IQSEC1: variants seen among roughly 807,000 people sequenced by gnomAD.
IQSEC1 encodes IQ motif and Sec7 domain ArfGEF 1.
In IQSEC1, 31 loss-of-function variants were observed where a neutral mutation model predicts 91.0. The observed-to-expected ratio is 0.34, with a 90% CI of 0.26 to 0.46. IQSEC1 has a LOEUF of 0.46. IQSEC1 is among the 20% of genes least tolerant of loss of function. The pLI, the probability that IQSEC1 is intolerant of heterozygous loss-of-function variation, is 1.00. For missense variants in IQSEC1, 1,388 were observed against 1,575.6 expected, an observed-to-expected ratio of 0.88 and a Z score of 2.02; for synonymous variants, 699 against 662.6, an observed-to-expected ratio of 1.05 and a Z score of -0.84.
intron 1 of IQSEC1, among the ~76,000 whole-genome samples, chr3:13,200,274 C>T (rs945434067): frequency 2.0e-5 from 3 of 151,894 alleles, no homozygotes; most frequent in African/African-American, 7.3e-5. Context: ...ACACACACCA[C>T]ACACACATAC....
intron 1 of IQSEC1, among the ~76,000 whole-genome samples, chr3:12,963,774 C>G (rs1700385533): frequency 1.3e-5 from 2 of 152,240 alleles, no homozygotes; most frequent in South Asian, 2.1e-4. Flanking sequence ...GCTTCTACAT[C>G]TAGCCCAGGG....
Position 13,270,965 on chromosome 3 carries a change from C to T in IQSEC1, c.272+11746G>A, listed in dbSNP as rs988463825. ...ATGGAAAAAGATATACAAATGGTAACCAAAATGAGTTAAAGTAGCTATAAC... is the reference window on the plus strand; with the variant it reads ...ATGGAAAAAGATATACAAATGGTAATCAAAATGAGTTAAAGTAGCTATAAC... On this transcript the variant is annotated intron_variant, in intron 1 of 15. Coordinates refer to the IQSEC1 transcript ENST00000648114. Among the ~76,000 whole-genome samples the T allele has an allele frequency of 4.6e-5, 7 of 152,150 alleles. No homozygotes were observed. The South Asian group carries it at 6.2e-4, about 14-fold the overall frequency.
At chr3:13,166,073 C>T (rs1433869490) in intron 1 of IQSEC1, among the ~76,000 whole-genome samples, 2 of 152,192 alleles carry the variant, frequency 1.3e-5, no homozygotes, top group Non-Finnish European at 2.9e-5. Context: ...AGGTTTGGGG[C>T]ACTCCTACAG....
chr3:13,236,415 T>C (rs1329633048), intron 1 of IQSEC1, among the ~76,000 whole-genome samples: 1 of 152,212 alleles, frequency 6.6e-6, no homozygotes, highest in Non-Finnish European at 1.5e-5. Context: ...TTTCTGCGCA[T>C]GTGATGTTTC....
intron 1 of IQSEC1, among the ~76,000 whole-genome samples, chr3:13,258,604 T>C (rs1448491935): frequency 1.3e-5 from 2 of 152,070 alleles, no homozygotes; most frequent in Admixed American, 6.6e-5. Context: ...GAGGATCACT[T>C]GAGCGCAGGA....
chr3:13,183,570 A>C (rs74382778), intron 1 of IQSEC1, among the ~76,000 whole-genome samples: 1 of 151,608 alleles, frequency 6.6e-6, no homozygotes, highest in Non-Finnish European at 1.5e-5. Flanking sequence ...CATCTCAAAC[A>C]AAAAAAAAGA....
chr3:13,238,469 A>G (rs923611019), intron 1 of IQSEC1, among the ~76,000 whole-genome samples: 1 of 152,170 alleles, frequency 6.6e-6, no homozygotes, highest in Non-Finnish European at 1.5e-5. Context: ...GCCTCCTCAG[A>G]GATGGCACCA....
In IQSEC1 at chr3:12,898,545, TC is replaced by T. The variant is rs1490699431; in HGVS notation, c.*2437del. 6.6e-6 allele frequency: 1 copy of T among 152,154 alleles called. No individual in the cohort carries two copies. The highest frequency in any genetic ancestry group is 1.5e-5 in the Non-Finnish European group (1 of 68,040). The allele number at this position is 152,154 out of a possible 1,614,324, so 9.4% of individuals were successfully genotyped here. A position where few individuals can be genotyped will look rare whatever the true frequency, so the allele number is the denominator to read the frequency against. Reference sequence around the variant, plus strand: ...AGGATGGCGATGGAGAGGGAGAGTTTCCTGAAAGCCCCTCCTGGGGTTTTCT... The same window carrying T: ...AGGATGGCGATGGAGAGGGAGAGTTTCTGAAAGCCCCTCCTGGGGTTTTCT... On this transcript the variant is annotated 3_prime_UTR_variant, in exon 14 of 14. Coordinates refer to ENST00000613206, the MANE Select transcript of IQSEC1 (RefSeq NM_001134382.3).
intron 2 of IQSEC1, among the ~76,000 whole-genome samples, chr3:13,151,547 C>T (rs1190307763): frequency 1.3e-5 from 2 of 152,094 alleles, no homozygotes; most frequent in Non-Finnish European, 2.9e-5. Context: ...ACGATGGGGT[C>T]GGGGAGGCCC....
At chr3:12,911,576 G>T in intron 10 of IQSEC1, 53 bp downstream of exon 10, 1 of 1,347,120 alleles carries the variant, frequency 7.4e-7, no homozygotes, top group Non-Finnish European at 1.1e-6. Flanking sequence ...CCAGGAGAAA[G>T]AGCGTAAGCT....
chr3:12,930,312 C>T (rs964513662), intron 3 of IQSEC1, among the ~76,000 whole-genome samples: 3 of 152,346 alleles, frequency 2.0e-5, no homozygotes, highest in African/African-American at 4.8e-5. Context: ...TTGTGCTTGG[C>T]TCCAGTCCTT....
intron 1 of IQSEC1, among the ~76,000 whole-genome samples, chr3:13,262,895 G>T (rs1287194839): frequency 6.6e-6 from 1 of 152,170 alleles, no homozygotes; most frequent in East Asian, 1.9e-4. Context: ...TGGGGGAGGG[G>T]AGGGGGAGTG....
At chr3:13,276,182 A>G (rs1015374253) in intron 1 of IQSEC1, among the ~76,000 whole-genome samples, 1 of 131,920 alleles carries the variant, frequency 7.6e-6, no homozygotes, top group Admixed American at 9.3e-5. Flanking sequence ...TCTGCCTCCC[A>G]GGTTCACACC....
chr3:13,099,650 T>C (rs930453150), intron 2 of IQSEC1, among the ~76,000 whole-genome samples: 2 of 152,210 alleles, frequency 1.3e-5, no homozygotes, highest in African/African-American at 4.8e-5. Context: ...GGCTCCCTCC[T>C]TCATTCTGGG....
intron 1 of IQSEC1, among the ~76,000 whole-genome samples, chr3:13,010,734 C>T (rs1484903058): frequency 1.3e-5 from 2 of 152,124 alleles, no homozygotes; most frequent in Non-Finnish European, 2.9e-5. Flanking sequence ...AATAAAACTC[C>T]CTGCTCAAAA....
chr3:13,097,596 C>T (rs896855449), intron 2 of IQSEC1, among the ~76,000 whole-genome samples: 3 of 152,214 alleles, frequency 2.0e-5, no homozygotes, highest in Non-Finnish European at 2.9e-5. Context: ...TCCCAACTCC[C>T]GCACTCATGC....
chr3:13,274,079 ACCCTCCCTCCAGT>A (rs1247701920), intron 1 of IQSEC1, among the ~76,000 whole-genome samples: 2 of 151,858 alleles, frequency 1.3e-5, no homozygotes, highest in Non-Finnish European at 2.9e-5. Context: ...CAAAGCCGGG[ACCCTCCCTCCAGT>A]CCTGTCTTTG....
At chr3:13,138,582 C>T (rs910781701) in intron 2 of IQSEC1, among the ~76,000 whole-genome samples, 3 of 152,072 alleles carry the variant, frequency 2.0e-5, no homozygotes, top group Middle Eastern at 3.2e-3. Context: ...CCGGCAGCTT[C>T]GCTGTACTTG....
intron 2 of IQSEC1, among the ~76,000 whole-genome samples, chr3:13,132,478 C>A (rs1466006136): frequency 6.6e-6 from 1 of 152,230 alleles, no homozygotes; most frequent in Non-Finnish European, 1.5e-5. Flanking sequence ...GCAGAGTCCT[C>A]GAGCTCTGTG....
Sources: gnomAD v4.1 joint callset for allele counts (sites outside exome capture counted in the v4.1 genomes callset) on GRCh38, gnomAD v4.1.1 for gene constraint, MANE v1.5 for transcripts, NCBI Gene and HGNC (gene_info 2026-07-23, HGNC 2026-07-21) for gene names.